Variants in LRIF1 observed in about 807,000 individuals in gnomAD.
LRIF1 encodes ligand dependent nuclear receptor interacting factor 1.
A neutral mutation model predicts 52.7 loss-of-function variants in LRIF1; 32 were observed. That is an observed-to-expected ratio of 0.61 (90% CI 0.46 to 0.82). LRIF1 has a LOEUF of 0.82. Ranked by LOEUF, LRIF1 falls within the 40% of genes least tolerant of loss-of-function variation. The pLI is 0.00. For synonymous variants in LRIF1, 323 were observed against 317.4 expected (o/e 1.02, Z -0.19); for missense variants, 887 against 892.0 (o/e 0.99, Z 0.07).
chr1:110,919,948 G>T, the LRIF1 span, among the ~76,000 whole-genome samples: 1 of 152,270 alleles, frequency 6.6e-6, no homozygotes, highest in Non-Finnish European at 1.5e-5. Flanking sequence ...CATATAAAAA[G>T]ATGTTCAACA....
At chr1:110,914,928 C>T in the LRIF1 span, among the ~76,000 whole-genome samples, 145 of 152,158 alleles carry the variant, frequency 9.5e-4, no homozygotes, top group Non-Finnish European at 1.6e-3. Flanking sequence ...GAAGATATGA[C>T]CCAACAATTC....
Position 110,948,214 on chromosome 1 carries a change from G to A in LRIF1, c.2055C>T (p.Ser685=). The change falls in exon 4 of 4, where the codon AGC becomes AGT. Residue 685 remains serine (S), a synonymous_variant. Transcript: ENST00000369763. ...VSQHNILTSH[S]KTRQEKRTEM... is the part of the protein sequence containing the mutation. ...CAGTTCTCTTTTCTTGTCTGGTTTT[G>A]CTGTGACTCGTGAGAATGTTATGTT... 6.2e-7 allele frequency: 1 copy of A among 1,613,998 alleles called. No homozygotes were observed.
chr1:110,904,777 C>T, the LRIF1 span, among the ~76,000 whole-genome samples: 1 of 152,028 alleles, frequency 6.6e-6, no homozygotes, highest in South Asian at 2.1e-4. Flanking sequence ...AAAACATGAC[C>T]TCACCAAAAA....
At chr1:110,902,495 T>TAAAAAAAAACAAAAAAAAAAAAAAAAA in the LRIF1 span, among the ~76,000 whole-genome samples, 1 of 72,664 alleles carries the variant, frequency 1.4e-5, no homozygotes, top group Non-Finnish European at 2.5e-5. Flanking sequence ...AATCAATCAC[T>TAAAAAAAAACAAAAAAAAAAAAAAAAA]AAAAAAAAAA....
the LRIF1 span, chr1:110,892,232 C>G: frequency 1.2e-6 from 1 of 824,264 alleles, no homozygotes; most frequent in Non-Finnish European, 2.1e-6. Context: ...TCATGAGACT[C>G]TTGATTGAGC....
chr1:110,951,154 C>T (rs778392143), intron 2 of LRIF1, 134 bp downstream of exon 2: 11 of 701,844 alleles, frequency 1.6e-5, no homozygotes, highest in Non-Finnish European at 2.5e-5. Context: ...GACTTAAATA[C>T]TCATATGTGT....
At chr1:110,908,876 A>C in the LRIF1 span, among the ~76,000 whole-genome samples, 1 of 152,178 alleles carries the variant, frequency 6.6e-6, no homozygotes, top group Non-Finnish European at 1.5e-5. Context: ...CAAGTTCAGG[A>C]AATTCAGAGA....
the LRIF1 span, among the ~76,000 whole-genome samples, chr1:110,927,646 A>G: frequency 7.9e-5 from 12 of 152,172 alleles, no homozygotes; most frequent in African/African-American, 2.7e-4. Flanking sequence ...GAGATGAGTC[A>G]GTAGATCAGA....
the LRIF1 span, chr1:110,896,878 G>C: frequency 1.5e-6 from 1 of 656,390 alleles, no homozygotes; most frequent in Non-Finnish European, 2.6e-6. Flanking sequence ...ACAACCTTGG[G>C]TAATTAGAAA....
At chr1:110,899,168 C>T in the LRIF1 span, 1 of 1,613,748 alleles carries the variant, frequency 6.2e-7, no homozygotes, top group Non-Finnish European at 8.5e-7. Flanking sequence ...GCCAGATTGA[C>T]AAAACCAGCC....
At chr1:110,897,669 C>T in the LRIF1 span, 100 of 496,310 alleles carry the variant, frequency 2.0e-4, no homozygotes, top group East Asian at 6.7e-4. Context: ...TCTTCATTCA[C>T]GCAAAGAAAA....
chr1:110,881,289 T>C, the LRIF1 span, among the ~76,000 whole-genome samples: 1 of 151,916 alleles, frequency 6.6e-6, no homozygotes, highest in African/African-American at 2.4e-5. Context: ...CAGTCATTGA[T>C]CTGCTTTCTG....
the LRIF1 span, among the ~76,000 whole-genome samples, chr1:110,931,051 G>A: frequency 6.6e-6 from 1 of 151,792 alleles, no homozygotes; most frequent in Non-Finnish European, 1.5e-5. Context: ...TTATTACATA[G>A]GTATACATGT....
At chr1:110,958,542 A>G (rs2101120635) in intron 1 of LRIF1, among the ~76,000 whole-genome samples, 1 of 152,292 alleles carries the variant, frequency 6.6e-6, no homozygotes, top group Non-Finnish European at 1.5e-5. Context: ...TCCTTCCAAT[A>G]CCAAGCATAG....
chr1:110,912,317 T>G, the LRIF1 span, among the ~76,000 whole-genome samples: 2 of 152,144 alleles, frequency 1.3e-5, no homozygotes, highest in African/African-American at 4.8e-5. Flanking sequence ...GTTCAAGCGA[T>G]TCTCATGCTT....
At position 110,952,088 on chromosome 1, in the gene LRIF1, T is replaced by G. The variant is rs1462353278; in HGVS notation, c.796A>C (p.Thr266Pro). The G allele has an allele frequency of 3.1e-6, 5 of 1,614,236 alleles. No individual in the cohort carries two copies. The highest frequency in any genetic ancestry group is 4.5e-5 in the East Asian group (2 of 44,892). The change falls in exon 2 of 4, where the codon ACA becomes CCA. Residue 266 changes from threonine to proline, a missense_variant. Thr to Pro is a conservative substitution (Grantham distance 38, BLOSUM62 -1). Transcript: ENST00000369763. ...EIAKPVILNT[T>P]QIPKNVATET... ...GTAGCAACATTCTTTGGAATTTGTG[T>G]GGTATTTAGTATTACTGGCTTTGCT...
the LRIF1 span, among the ~76,000 whole-genome samples, chr1:110,910,645 C>T: frequency 6.6e-6 from 1 of 152,068 alleles, no homozygotes; most frequent in Non-Finnish European, 1.5e-5. Flanking sequence ...ATCATACCAA[C>T]CATGCTCTCT....
the LRIF1 span, among the ~76,000 whole-genome samples, chr1:110,922,569 C>T: frequency 6.6e-5 from 10 of 152,230 alleles, no homozygotes; most frequent in East Asian, 1.9e-4. Flanking sequence ...ATTTAGGAAA[C>T]GTGATTAATA....
the LRIF1 span, among the ~76,000 whole-genome samples, chr1:110,902,523 A>C: frequency 6.6e-6 from 1 of 150,908 alleles, no homozygotes; most frequent in Non-Finnish European, 1.5e-5. Flanking sequence ...AAAAAAAAGA[A>C]ATACAGACAG....
Sources: allele counts gnomAD v4.1 joint callset (sites outside exome capture counted in the v4.1 genomes callset), GRCh38; gene constraint gnomAD v4.1.1; transcripts MANE v1.5; gene names NCBI Gene and HGNC (gene_info 2026-07-23, HGNC 2026-07-21).